The following GLIS1 variants were observed in gnomAD, a reference collection of about 807,000 sequenced individuals.
The protein encoded by GLIS1 is GLIS family zinc finger 1.
Under a neutral mutation model 63.8 loss-of-function variants are expected in GLIS1, and 24 were observed. The ratio of observed to expected loss-of-function variants is 0.38; its 90% CI spans 0.27 to 0.53. The LOEUF (loss-of-function observed/expected upper bound fraction) is 0.53. Ranked by LOEUF, GLIS1 falls within the 20% of genes least tolerant of loss-of-function variation. GLIS1 has a pLI of 0.85. For missense variants in GLIS1, 1,036 were observed against 1,074.1 expected, an observed-to-expected ratio of 0.96 and a Z score of 0.50; for synonymous variants, 450 against 482.5, an observed-to-expected ratio of 0.93 and a Z score of 0.88.
chr1:53,560,401 C>T lies in GLIS1; in HGVS notation c.1321-30449G>A, dbSNP rs563806042. Among the ~76,000 whole-genome samples the T allele has an allele frequency of 5.9e-5, 9 of 152,272 alleles. No individual in the cohort carries two copies. Among genetic ancestry groups the T allele is most frequent in the East Asian group, 5.8e-4 (3 of 5,168 alleles). ...GGGCCTCACGAGTCAGGCAGGAGCT[C>T]GCTCCCTGTTTGCAAGGGCAGGGGT... On this transcript the variant is annotated intron_variant, in intron 4 of 10. Coordinates refer to ENST00000628545, the MANE Select transcript of GLIS1 (RefSeq NM_001367484.1). This position sits in a 1 kb window ranked among gnomAD's most constrained non-coding sequence, Gnocchi z 4.4.
At chr1:53,649,282 AC>A (rs1406440998) in intron 2 of GLIS1, among the ~76,000 whole-genome samples, 3 of 152,238 alleles carry the variant, frequency 2.0e-5, no homozygotes, top group Non-Finnish European at 2.9e-5. Flanking sequence ...GTTCACAGAA[AC>A]TGAAAGATGC....
chr1:53,602,071 T>C (rs1204151763), intron 2 of GLIS1, among the ~76,000 whole-genome samples: 1 of 152,154 alleles, frequency 6.6e-6, no homozygotes, highest in Non-Finnish European at 1.5e-5. Context: ...GCTCCCACGC[T>C]ACCTTCCCAG....
chr1:53,627,335 C>T (rs552390870), intron 2 of GLIS1, among the ~76,000 whole-genome samples: 4 of 152,312 alleles, frequency 2.6e-5, no homozygotes, highest in African/African-American at 9.6e-5. Context: ...CTAAGGCAGT[C>T]CTCGTGGGCA....
chr1:53,721,971 A>G (rs1010224910), intron 2 of GLIS1, among the ~76,000 whole-genome samples: 2 of 152,364 alleles, frequency 1.3e-5, no homozygotes, highest in East Asian at 1.9e-4. Context: ...CTTAAATTTT[A>G]TAAGTAAAAT....
intron 2 of GLIS1, among the ~76,000 whole-genome samples, chr1:53,736,816 T>C (rs1357055706): frequency 6.6e-6 from 1 of 152,168 alleles, no homozygotes; most frequent in African/African-American, 2.4e-5. Context: ...ACTCTAAAAG[T>C]AGGCTGCCTA....
At position 53,509,338 on chromosome 1, in the gene GLIS1, G is replaced by A. The variant is rs767813200; in HGVS notation, c.2063-51C>T. 10 of 1,482,440 alleles carry A rather than the reference G, an allele frequency of 6.7e-6. No homozygotes were observed. In the South Asian group the frequency reaches 9.1e-5, roughly 13 times the overall value. 91.8% of individuals were successfully genotyped at this position (1,482,440 alleles called of 1,614,324 possible). A position where few individuals can be genotyped will look rare whatever the true frequency, so the allele number is the denominator to read the frequency against. ...CGTTCACAAAGGAGAAGTGCCCAGG[G>A]CAGGGAGGGGAACATCCTTGCTGCA... On this transcript the variant is annotated intron_variant, in intron 9 of 10. Transcript: ENST00000628545.
intron 2 of GLIS1, among the ~76,000 whole-genome samples, chr1:53,675,738 A>G (rs1646204192): frequency 1.3e-5 from 2 of 152,160 alleles, no homozygotes; most frequent in Non-Finnish European, 1.5e-5. Flanking sequence ...CAGCTCTCAC[A>G]CAGAGGCACA....
chr1:53,513,657 G>T (rs1644320655), intron 8 of GLIS1, among the ~76,000 whole-genome samples: 1 of 152,226 alleles, frequency 6.6e-6, no homozygotes, highest in South Asian at 2.1e-4. Context: ...CTGTGTGGTA[G>T]GTCTCCCTCT....
chr1:53,604,275 CT>C (rs1043949838), intron 2 of GLIS1, among the ~76,000 whole-genome samples: 6 of 152,160 alleles, frequency 3.9e-5, no homozygotes. Context: ...AGGACAAACC[CT>C]CAAGACTTGG....
intron 6 of GLIS1, among the ~76,000 whole-genome samples, 170 bp downstream of exon 6, chr1:53,524,607 T>G (rs982752737): frequency 9.2e-5 from 14 of 151,950 alleles, no homozygotes; most frequent in Admixed American, 5.9e-4. Flanking sequence ...GCAGAGACAC[T>G]AAGGGCAGGT....
At chr1:53,599,226 A>G (rs80219807) in intron 3 of GLIS1, among the ~76,000 whole-genome samples, 4,804 of 152,190 alleles carry the variant, frequency 0.032, 243 homozygotes, top group African/African-American at 0.11. Context: ...TTAATCCCAA[A>G]TGTGGCAGTG....
rs371128298 is a variant in GLIS1 at position 53,528,145 on chromosome 1, GC to G, written c.1482+1645del. Among the ~76,000 whole-genome samples, 22 of 152,294 alleles carry G rather than the reference GC, an allele frequency of 1.4e-4. 1 individual carries two copies. The highest frequency in any genetic ancestry group is 4.1e-4 in the African/African-American group (17 of 41,568). ...CAGGACCTGGGCCAGGGTGCCACGG[GC>G]CCCTTGGGCTGAAAAGGTGACAAAG... On this transcript the variant is annotated intron_variant, in intron 5 of 10. Transcript: ENST00000628545.
At chr1:53,517,452 C>G (rs1557942612) in intron 7 of GLIS1, among the ~76,000 whole-genome samples, 1 of 152,216 alleles carries the variant, frequency 6.6e-6, no homozygotes, top group Non-Finnish European at 1.5e-5. Flanking sequence ...ACTCACTACT[C>G]TCCTTAGCAC....
intron 4 of GLIS1, among the ~76,000 whole-genome samples, chr1:53,577,206 G>A (rs943731801): frequency 2.0e-5 from 3 of 150,460 alleles, no homozygotes; most frequent in African/African-American, 4.9e-5. Context: ...CCAGACTTGC[G>A]CATCCCCTAC....
chr1:53,622,427 CAA>C (rs60923620), intron 2 of GLIS1, among the ~76,000 whole-genome samples: 6 of 132,340 alleles, frequency 4.5e-5, no homozygotes, highest in South Asian at 2.6e-4. Flanking sequence ...GACTATGTCT[CAA>C]AAAAAAAAAA....
At chr1:53,711,993 C>T (rs1200725948) in intron 2 of GLIS1, among the ~76,000 whole-genome samples, 1 of 152,212 alleles carries the variant, frequency 6.6e-6, no homozygotes, top group Non-Finnish European at 1.5e-5. Flanking sequence ...GGCAATGCCC[C>T]AGCTCTGTTC....
intron 2 of GLIS1, among the ~76,000 whole-genome samples, chr1:53,671,737 C>T (rs1488572948): frequency 1.3e-5 from 2 of 152,152 alleles, no homozygotes; most frequent in South Asian, 2.1e-4. Context: ...TACCTATATA[C>T]ATTAGAATGC....
intron 2 of GLIS1, among the ~76,000 whole-genome samples, chr1:53,631,985 ATGAG>A (rs1394594615): frequency 1.3e-5 from 2 of 151,424 alleles, no homozygotes; most frequent in African/African-American, 2.4e-5. Context: ...GGATGTGTGA[ATGAG>A]TGTGACTAAG....
intron 6 of GLIS1, among the ~76,000 whole-genome samples, chr1:53,522,735 CTCTA>C: frequency 6.6e-6 from 1 of 152,068 alleles, no homozygotes; most frequent in East Asian, 1.9e-4. Flanking sequence ...AAAGTGAAAC[CTCTA>C]TCTCTACAAA....
Sources: allele counts gnomAD v4.1 joint callset (sites outside exome capture counted in the v4.1 genomes callset), GRCh38; gene constraint gnomAD v4.1.1; non-coding constraint Gnocchi (gnomAD v3.1); transcripts MANE v1.5; gene names NCBI Gene and HGNC (gene_info 2026-07-23, HGNC 2026-07-21).